The following METTL15 variants were observed in gnomAD, a reference collection of about 807,000 sequenced individuals.
METTL15 encodes the protein methyltransferase 15, mitochondrial 12S rRNA N4-cytidine, also known as 12S rRNA N(4)-cytidine methyltransferase METTL15.
A neutral mutation model predicts 38.3 loss-of-function variants in METTL15; 34 were observed. The observed-to-expected ratio is 0.89, with a 90% confidence interval of 0.68 to 1.18. The LOEUF (loss-of-function observed/expected upper bound fraction) is 1.18, where lower values mean the gene tolerates loss of function less well. METTL15 is among the 50% of genes most tolerant of loss of function. The pLI is 0.00. For missense variants in METTL15, 438 were observed against 498.4 expected (o/e 0.88, Z 1.15); for synonymous variants, 162 against 170.9 (o/e 0.95, Z 0.41).
At chr11:28,381,909 C>G (rs1383311900) in intron 5 of METTL15, among the ~76,000 whole-genome samples, 1 of 150,936 alleles carries the variant, frequency 6.6e-6, no homozygotes, top group Non-Finnish European at 1.5e-5. Flanking sequence ...TTATGGTTTC[C>G]TGTTTCCTTT....
chr11:28,150,359 T>C (rs1845722230), intron 3 of METTL15, among the ~76,000 whole-genome samples: 1 of 151,884 alleles, frequency 6.6e-6, no homozygotes, highest in African/African-American at 2.4e-5. Context: ...GGCCATGAAA[T>C]TGAGGTGGAT....
At chr11:28,119,227 C>T (rs1364260764) in intron 3 of METTL15, among the ~76,000 whole-genome samples, 1 of 152,208 alleles carries the variant, frequency 6.6e-6, no homozygotes, top group Non-Finnish European at 1.5e-5. Flanking sequence ...ATATACACCT[C>T]TCTTAGTAGA....
chr11:28,255,895 T>A (rs1736387104), intron 4 of METTL15, among the ~76,000 whole-genome samples: 2 of 151,930 alleles, frequency 1.3e-5, no homozygotes, highest in African/African-American at 4.8e-5. Flanking sequence ...TAGAGATGGG[T>A]TTTCTCCATG....
chr11:28,305,275 AC>A (rs1857044070), intron 6 of METTL15, among the ~76,000 whole-genome samples: 1 of 152,168 alleles, frequency 6.6e-6, no homozygotes, highest in South Asian at 2.1e-4. Context: ...AGTTTGTGGC[AC>A]CAAATGGGGA....
intron 5 of METTL15, among the ~76,000 whole-genome samples, chr11:28,396,517 G>A (rs547804961): frequency 6.6e-6 from 1 of 152,080 alleles, no homozygotes; most frequent in South Asian, 2.1e-4. Flanking sequence ...AAAATACCTA[G>A]GAATCCAACT....
At chr11:28,143,737 C>T (rs950767051) in intron 3 of METTL15, among the ~76,000 whole-genome samples, 3 of 152,122 alleles carry the variant, frequency 2.0e-5, no homozygotes, top group African/African-American at 7.2e-5. Context: ...ACTGAATGAT[C>T]AGCATGTAAG....
At chr11:28,531,995 T>G (rs909259268), downstream of METTL15, among the ~76,000 whole-genome samples, 1 of 152,082 alleles carries the variant, frequency 6.6e-6, no homozygotes, top group Admixed American at 6.6e-5. Flanking sequence ...AATGCAGCAC[T>G]GCCTCCATGG....
intron 3 of METTL15, among the ~76,000 whole-genome samples, chr11:28,181,698 A>G (rs182748128): frequency 1.7e-4 from 24 of 140,068 alleles, no homozygotes; most frequent in Non-Finnish European, 3.5e-4. Context: ...GCTAATGTGA[A>G]TAGTGCTGCA....
chr11:28,517,509 C>T (rs1261851746), intron 6 of METTL15, among the ~76,000 whole-genome samples: 1 of 152,160 alleles, frequency 6.6e-6, no homozygotes, highest in African/African-American at 2.4e-5. Context: ...CTCTGGATGA[C>T]TCACTGCTTC....
rs539880132 is a variant in METTL15, at chr11:28,354,841, T to C, written c.*258+2683T>C. ...GTATGTTTTGAGTTATGTCAAAGTA[T>C]GTTGCCAACAAAAATGTTTAGAGAA... On this transcript the variant is annotated intron_variant and NMD_transcript_variant, in intron 4 of 7. Coordinates refer to the METTL15 transcript ENST00000532947. Among the ~76,000 whole-genome samples the C allele has an allele frequency of 1.5e-4, 23 of 152,336 alleles. No homozygotes were observed. In the South Asian group the frequency reaches 4.6e-3, roughly 30 times the overall value.
intron 6 of METTL15, among the ~76,000 whole-genome samples, chr11:28,499,758 G>C (rs1050318591): frequency 6.6e-6 from 1 of 152,156 alleles, no homozygotes; most frequent in Non-Finnish European, 1.5e-5. Flanking sequence ...GGAACTGTAA[G>C]TACAGGGACT....
chr11:28,328,267 CT>C, intron 6 of METTL15: 9 of 1,150,006 alleles, frequency 7.8e-6, no homozygotes, highest in Non-Finnish European at 1.1e-5. Context: ...ATTCTCCAGA[CT>C]TTTGGCAAAG....
chr11:28,339,096 A>G (rs1849927193), intron 3 of METTL15, among the ~76,000 whole-genome samples: 1 of 152,140 alleles, frequency 6.6e-6, no homozygotes, highest in Admixed American at 6.6e-5. Context: ...AAATCATCTT[A>G]GCCCTTGAAG....
At chr11:28,399,299 C>G (rs994942900) in intron 5 of METTL15, among the ~76,000 whole-genome samples, 1 of 151,894 alleles carries the variant, frequency 6.6e-6, no homozygotes, top group Non-Finnish European at 1.5e-5. Context: ...AAAATTAACT[C>G]AAGATGGATT....
intron 6 of METTL15, among the ~76,000 whole-genome samples, chr11:28,321,971 A>G (rs1849486892): frequency 6.6e-6 from 1 of 152,100 alleles, no homozygotes; most frequent in Admixed American, 6.5e-5. Context: ...TGTACTGTTT[A>G]ATAAATAAGT....
At chr11:28,347,757 T>C (rs1850008005) in intron 3 of METTL15, among the ~76,000 whole-genome samples, 2 of 152,206 alleles carry the variant, frequency 1.3e-5, no homozygotes, top group Admixed American at 1.3e-4. Flanking sequence ...GAAAATGCTG[T>C]CTCCTGTGCC....
chr11:28,293,790 T>G (rs919862074), intron 5 of METTL15, among the ~76,000 whole-genome samples: 2 of 152,188 alleles, frequency 1.3e-5, no homozygotes, highest in African/African-American at 4.8e-5. Context: ...TCAGTTGGAT[T>G]CCTAAGTATT....
intron 3 of METTL15, among the ~76,000 whole-genome samples, chr11:28,161,573 A>G (rs924701640): frequency 1.3e-5 from 2 of 152,206 alleles, no homozygotes; most frequent in Non-Finnish European, 2.9e-5. Flanking sequence ...CCAAAGAAGG[A>G]AAACTATGAG....
chr11:28,168,465 T>C (rs998918854), intron 3 of METTL15, among the ~76,000 whole-genome samples: 3 of 151,832 alleles, frequency 2.0e-5, no homozygotes, highest in African/African-American at 7.3e-5. Flanking sequence ...GTTTAAATGA[T>C]GCTTTTTTTT....
Sources: gnomAD v4.1 joint callset for allele counts (sites outside exome capture counted in the v4.1 genomes callset) on GRCh38, gnomAD v4.1.1 for gene constraint, MANE v1.5 for transcripts, NCBI Gene and HGNC (gene_info 2026-07-23, HGNC 2026-07-21) for gene names.